The following CAPN11 variants were observed in gnomAD, a reference collection of about 807,000 sequenced individuals.
The protein encoded by CAPN11 is calpain 11.
A neutral mutation model predicts 105.3 loss-of-function variants in CAPN11; 108 were observed. That is an observed-to-expected ratio of 1.03 (90% CI 0.88 to 1.20). The LOEUF (loss-of-function observed/expected upper bound fraction) is 1.20. CAPN11 is among the 50% of genes most tolerant of loss of function. CAPN11 has a pLI of 0.00. For synonymous variants in CAPN11, 329 were observed against 344.5 expected (o/e 0.96, Z 0.50); for missense variants, 883 against 924.8 (o/e 0.95, Z 0.59).
chr6:44,176,442 C>A, intron 9 of CAPN11, 104 bp downstream of exon 9: 1 of 1,286,212 alleles, frequency 7.8e-7, no homozygotes, highest in East Asian at 2.3e-5. Context: ...TACAACAGGG[C>A]AAAGCTCCTC....
At position 44,180,932 on chromosome 6, in the gene CAPN11, G is replaced by A; in HGVS notation, c.1805-1G>A. On this transcript the variant is annotated splice_acceptor_variant, in intron 17 of 22. Coordinates refer to ENST00000398776, the MANE Select transcript of CAPN11 (RefSeq NM_007058.4). LOFTEE classifies it high-confidence loss of function. ...CTTTCTACCCCTTCCCTTCCTCACA[G>A]TCAAAAGCTTCAAGACCAAGGGCTT... 1.9e-6 allele frequency: 3 copies of A among 1,613,284 alleles called. No homozygotes were observed. The highest frequency in any genetic ancestry group is 2.5e-6 in the Non-Finnish European group (3 of 1,179,634).
At chr6:44,169,240 A>T in intron 2 of CAPN11, 41 bp from the exon 3 acceptor site, 1 of 1,563,972 alleles carries the variant, frequency 6.4e-7, no homozygotes. Flanking sequence ...AGCTTATTAC[A>T]TTTTTTACTT....
intron 1 of CAPN11, among the ~76,000 whole-genome samples, chr6:44,163,113 C>T (rs1385448659): frequency 6.6e-6 from 1 of 152,110 alleles, no homozygotes; most frequent in African/African-American, 2.4e-5. Context: ...CTTTTTCACA[C>T]GTTGCATTCT....
chr6:44,181,833 C>CAT (rs746552043), intron 19 of CAPN11, among the ~76,000 whole-genome samples: 55 of 62,546 alleles, frequency 8.8e-4, no homozygotes, highest in East Asian at 1.9e-3. Context: ...ACCACACACA[C>CAT]ACACACTCAC....
intron 20 of CAPN11, 29 bp downstream of exon 20, chr6:44,183,048 G>A (rs1332393524): frequency 1.2e-6 from 2 of 1,604,508 alleles, no homozygotes; most frequent in East Asian, 4.5e-5. Context: ...TGGGCCTTGG[G>A]GCAGGGAAGA....
chr6:44,161,625 G>A (rs533853412), intron 1 of CAPN11, among the ~76,000 whole-genome samples: 1 of 152,278 alleles, frequency 6.6e-6, no homozygotes, highest in African/African-American at 2.4e-5. Context: ...AGGGTTTGGG[G>A]GCCAGACAGT....
At position 44,176,341 on chromosome 6, in the gene CAPN11, A is replaced by G; in HGVS notation, c.1001+3A>G. 1.9e-6 allele frequency: 3 copies of G among 1,613,026 alleles called. No homozygotes were observed. Among genetic ancestry groups the G allele is most frequent in the Non-Finnish European group, 2.5e-6 (3 of 1,179,096 alleles). The stretch of plus-strand genomic sequence containing the variant: ...TGGAATGGAGCTTGGAGTGACAGGT[A>G]GGTGTCCCCAACCCAGGTGAGGGGT... On this transcript the variant is annotated splice_donor_region_variant and intron_variant, in intron 9 of 22. Transcript: ENST00000398776.
At chr6:44,179,684 CT>C in intron 13 of CAPN11, 54 bp downstream of exon 13, 2 of 1,586,836 alleles carry the variant, frequency 1.3e-6, no homozygotes, top group South Asian at 2.2e-5. Flanking sequence ...CACTCCACCC[CT>C]GGCTGCAAGT....
Position 44,173,575 on chromosome 6 carries a change from T to TG in CAPN11, c.831+189_831+190insG, listed in dbSNP as rs1554130915. On this transcript the variant is annotated intron_variant, in intron 7 of 22. Coordinates refer to ENST00000398776, the MANE Select transcript of CAPN11 (RefSeq NM_007058.4). ...ACCCTATTTACTTTCTTTTTGTTTT[T>TG]TTTTGTTTGTTTGTTTTGTTTTTTT... Among the ~76,000 whole-genome samples the TG allele has an allele frequency of 7.5e-5, 7 of 92,980 alleles. No homozygotes were observed. The East Asian group carries it at 8.0e-4, about 11-fold the overall frequency. The allele number at this position is 92,980 out of a possible 152,430, so 61.0% of individuals were successfully genotyped here. A position where few individuals can be genotyped will look rare whatever the true frequency, so the allele number is the denominator to read the frequency against.
rs750672835 is a variant in CAPN11 at position 44,173,392 on chromosome 6, C to A, written c.831+6C>A. On this transcript the variant is annotated splice_donor_region_variant and intron_variant, in intron 7 of 22. Coordinates refer to ENST00000398776, the MANE Select transcript of CAPN11 (RefSeq NM_007058.4). ...TCATGGGTTGCTCCATTGAAGTAAGCAAAGCATGGTCCCACCTCAGGGCCT... is the reference window on the plus strand; with the variant it reads ...TCATGGGTTGCTCCATTGAAGTAAGAAAAGCATGGTCCCACCTCAGGGCCT... The A allele has an allele frequency of 3.1e-6, 5 of 1,588,564 alleles. No homozygotes were observed. Among genetic ancestry groups the A allele is most frequent in the South Asian group, 2.2e-5 (2 of 89,406 alleles).
At chr6:44,182,078 A>T (rs1351987160) in intron 19 of CAPN11, among the ~76,000 whole-genome samples, 1 of 23,786 alleles carries the variant, frequency 4.2e-5, no homozygotes, top group Non-Finnish European at 7.5e-5. Context: ...CACCACACAC[A>T]CACACACATA....
intron 19 of CAPN11, among the ~76,000 whole-genome samples, chr6:44,181,762 T>A (rs1327757701): frequency 2.7e-4 from 3 of 10,988 alleles, no homozygotes; most frequent in Admixed American, 1.1e-3. Context: ...ACATACACAC[T>A]CACATACAGA....
At chr6:44,167,190 C>G (rs1272647806) in intron 2 of CAPN11, among the ~76,000 whole-genome samples, 1 of 152,052 alleles carries the variant, frequency 6.6e-6, no homozygotes, top group African/African-American at 2.4e-5. Context: ...TCCATTATTT[C>G]CACTCTCCTT....
At chr6:44,165,962 C>G (rs538850394) in intron 1 of CAPN11, among the ~76,000 whole-genome samples, 1 of 152,086 alleles carries the variant, frequency 6.6e-6, no homozygotes, top group East Asian at 1.9e-4. Flanking sequence ...GTCTGAAGGC[C>G]CTGGCCTCGG....
At chr6:44,169,234 T>C (rs1008679827) in intron 2 of CAPN11, 47 bp from the exon 3 acceptor site, 32 of 1,547,642 alleles carry the variant, frequency 2.1e-5, no homozygotes, top group Non-Finnish European at 2.8e-5. Flanking sequence ...GTGCCCAGCT[T>C]ATTACATTTT....
chr6:44,162,060 C>T (rs545689992), intron 1 of CAPN11: 3 of 366,394 alleles, frequency 8.2e-6, no homozygotes, highest in South Asian at 2.0e-5. Flanking sequence ...CTGAGACCTG[C>T]CCCAGTTATG....
chr6:44,178,826 G>A (rs1772626250), intron 12 of CAPN11, among the ~76,000 whole-genome samples: 1 of 151,678 alleles, frequency 6.6e-6, no homozygotes, highest in Non-Finnish European at 1.5e-5. Flanking sequence ...GAGAAGCTGA[G>A]GTGAGAGGAT....
chr6:44,158,845 C>A lies in CAPN11; in HGVS notation c.-4C>A. 1.3e-6 allele frequency: 2 copies of A among 1,551,402 alleles called. No individual in the cohort carries two copies. Among genetic ancestry groups the A allele is most frequent in the Non-Finnish European group, 1.7e-6 (2 of 1,146,826 alleles). ...AACTGTCAAGCACCGAGCTAGCCAC[C>A]AGCATGCTGTACTCCCCAGGTAGGC... On this transcript the variant is annotated 5_prime_UTR_variant, in exon 1 of 23. Transcript: ENST00000398776.
At chr6:44,178,856 G>A (rs759149548) in intron 12 of CAPN11, among the ~76,000 whole-genome samples, 2 of 151,744 alleles carry the variant, frequency 1.3e-5, no homozygotes, top group Non-Finnish European at 1.5e-5. Flanking sequence ...TCAGGAGGTC[G>A]AAGCTGCGGC....
Sources: gnomAD v4.1 joint callset for allele counts (sites outside exome capture counted in the v4.1 genomes callset) on GRCh38, gnomAD v4.1.1 for gene constraint, MANE v1.5 for transcripts, NCBI Gene and HGNC (gene_info 2026-07-23, HGNC 2026-07-21) for gene names.